MYLK: variants seen among roughly 807,000 people sequenced by gnomAD.
MYLK encodes myosin light chain kinase.
In MYLK, 106 loss-of-function variants were observed where a neutral mutation model predicts 203.4. The observed-to-expected ratio is 0.52, with a 90% confidence interval of 0.45 to 0.61. The LOEUF (loss-of-function observed/expected upper bound fraction) is 0.61. Among genes scored for constraint, MYLK ranks in the 20% least tolerant of loss-of-function variants. The pLI, the probability that MYLK is intolerant of heterozygous loss-of-function variation, is 0.00. For missense variants in MYLK, 2,072 were observed against 2,442.3 expected (o/e 0.85, Z 3.20); for synonymous variants, 867 against 959.5 (o/e 0.90, Z 1.78).
At chr3:123,615,090 C>G (rs780630565) in intron 33 of MYLK, among the ~76,000 whole-genome samples, 1 of 150,006 alleles carries the variant, frequency 6.7e-6, no homozygotes, top group African/African-American at 2.4e-5. Flanking sequence ...GCTGGGATTA[C>G]AGGTGTGAGC....
intron 27 of MYLK, among the ~76,000 whole-genome samples, chr3:123,641,353 C>T (rs931814774): frequency 6.6e-6 from 1 of 152,192 alleles, no homozygotes; most frequent in African/African-American, 2.4e-5. Flanking sequence ...CTTTCTTGGT[C>T]TCTGCTTAGC....
At chr3:123,733,285 G>A (rs1576777273) in intron 10 of MYLK, among the ~76,000 whole-genome samples, 183 bp from the exon 11 acceptor site, 2 of 152,208 alleles carry the variant, frequency 1.3e-5, no homozygotes, top group Admixed American at 6.5e-5. Context: ...TCTTGAGAGA[G>A]TCAGGGGCCT....
rs752110478 is a variant in MYLK at position 123,640,834 on chromosome 3, C to T, written c.4620-330G>A. The stretch of plus-strand genomic sequence containing the variant: ...AGAGTGACCTCTAAACAGTCTCTTT[C>T]CCTCAAATGACCACACATGCCTAAG... On this transcript the variant is annotated intron_variant, in intron 27 of 33. Coordinates refer to ENST00000360304, the MANE Select transcript of MYLK (RefSeq NM_053025.4). The surrounding 1 kb of genome is among the most constrained non-coding windows in gnomAD (Gnocchi z 4.3). Among the ~76,000 whole-genome samples, 30 of 152,212 alleles carry T rather than the reference C, an allele frequency of 2.0e-4. No homozygotes were observed. The highest frequency in any genetic ancestry group is 8.5e-4 in the Admixed American group (13 of 15,282).
chr3:123,883,074 T>G (rs1227698082), intron 1 of MYLK, among the ~76,000 whole-genome samples: 1 of 152,208 alleles, frequency 6.6e-6, no homozygotes, highest in Non-Finnish European at 1.5e-5. Context: ...CAAATGGTCC[T>G]CCTAAGCCCA....
chr3:123,668,854 C>T (rs2059823008), intron 20 of MYLK, among the ~76,000 whole-genome samples: 1 of 152,192 alleles, frequency 6.6e-6, no homozygotes, highest in Non-Finnish European at 1.5e-5. Context: ...TGCCCTTCTC[C>T]TCCTCCTAAA....
intron 8 of MYLK, 22 bp from the exon 9 acceptor site, chr3:123,735,438 G>A (rs773505008): frequency 6.2e-7 from 1 of 1,614,042 alleles, no homozygotes; most frequent in South Asian, 1.1e-5. Flanking sequence ...GGGAAGGGTG[G>A]AAAGACTGTT....
intron 30 of MYLK, among the ~76,000 whole-genome samples, chr3:123,628,158 A>C (rs2058243140): frequency 6.6e-6 from 1 of 152,204 alleles, no homozygotes; most frequent in Non-Finnish European, 1.5e-5. Flanking sequence ...AAGGCTAAAA[A>C]GATCTCATTG....
chr3:123,626,960 A>G lies in MYLK; in HGVS notation c.5115-19T>C. 1.9e-6 allele frequency: 3 copies of G among 1,614,000 alleles called. No homozygotes were observed. The South Asian group carries it at 3.3e-5, about 18-fold the overall frequency. On this transcript the variant is annotated intron_variant, in intron 30 of 33. Transcript: ENST00000360304. ...GCGGTTTCTGACAGAGGCAGAGATCAGGAGATTTTTGAGCAGGAGGAGACC... is the reference window on the plus strand; with the variant it reads ...GCGGTTTCTGACAGAGGCAGAGATCGGGAGATTTTTGAGCAGGAGGAGACC...
At chr3:123,696,426 T>A (rs1202180236) in intron 18 of MYLK, among the ~76,000 whole-genome samples, 4 of 152,050 alleles carry the variant, frequency 2.6e-5, no homozygotes, top group Admixed American at 1.3e-4. Flanking sequence ...GCAGGGCCAG[T>A]GCTGAGCTGA....
intron 13 of MYLK, among the ~76,000 whole-genome samples, chr3:123,714,908 T>G (rs1342044662): frequency 1.3e-5 from 2 of 152,030 alleles, no homozygotes; most frequent in Non-Finnish European, 2.9e-5. Flanking sequence ...AGCAGATTGC[T>G]GACAAGTAAA....
In MYLK at chr3:123,733,037, C is replaced by T. The variant is rs147311651; in HGVS notation, c.1375G>A (p.Gly459Ser). 2.9e-5 allele frequency: 47 copies of T among 1,614,076 alleles called. No individual in the cohort carries two copies. Among genetic ancestry groups the T allele is most frequent in the African/African-American group, 5.3e-5 (4 of 74,948 alleles). Residue 459 changes from glycine (G) to serine (S), a missense_variant, in exon 11 of 34, where the codon GGC becomes AGC. Around this residue, in one of 3 missense-constraint regions of MYLK, gnomAD observed 683 missense variants for 643.8 expected, o/e 1.06. Coordinates refer to ENST00000360304, the MANE Select transcript of MYLK (RefSeq NM_053025.4). The part of the protein sequence containing the change: ...LEGTPVRRQE[G>S]SIEVYEDAGS... ...GCATCTTCATAAACCTCAATGCTGCCTTCCTGTCTCCTCACGGGGGTGCCT... is the reference window on the plus strand; with the variant it reads ...GCATCTTCATAAACCTCAATGCTGCTTTCCTGTCTCCTCACGGGGGTGCCT...
rs1182184547 is a variant in MYLK, at chr3:123,640,179, G to A, written c.4837+108C>T. Reference sequence around the variant, plus strand: ...GATTCAAACCTGGGAAGTCTTCATGGTCTCGGATTTAACCCCAATACTGTA... The same window carrying A: ...GATTCAAACCTGGGAAGTCTTCATGATCTCGGATTTAACCCCAATACTGTA... On this transcript the variant is annotated intron_variant, in intron 28 of 33. Transcript: ENST00000360304. The surrounding 1 kb of genome is among the most constrained non-coding windows in gnomAD (Gnocchi z 4.3). 3 of 1,052,926 alleles carry A rather than the reference G, an allele frequency of 2.8e-6. No individual in the cohort carries two copies. The African/African-American group carries it at 4.7e-5, about 16-fold the overall frequency. The allele number at this position is 1,052,926 out of a possible 1,614,324, so 65.2% of individuals were successfully genotyped here. A position where few individuals can be genotyped will look rare whatever the true frequency, so the allele number is the denominator to read the frequency against.
intron 4 of MYLK, among the ~76,000 whole-genome samples, chr3:123,772,349 G>A (rs1243937257): frequency 2.0e-5 from 3 of 151,872 alleles, no homozygotes; most frequent in Non-Finnish European, 4.4e-5. Context: ...CAGTAAAGGT[G>A]GCCTCAAACT....
At chr3:123,772,533 G>C (rs1380024577) in intron 4 of MYLK, among the ~76,000 whole-genome samples, 2 of 152,032 alleles carry the variant, frequency 1.3e-5, no homozygotes, top group African/African-American at 4.8e-5. Context: ...GACACTAATA[G>C]TGGAAAGCAT....
chr3:123,670,413 G>A (rs1328433879), intron 20 of MYLK, among the ~76,000 whole-genome samples: 3 of 152,130 alleles, frequency 2.0e-5, no homozygotes, highest in Admixed American at 6.5e-5. Context: ...GCAGAGCACA[G>A]GGCTGATATT....
intron 2 of MYLK, among the ~76,000 whole-genome samples, chr3:123,836,185 T>C (rs1271878288): frequency 2.0e-5 from 3 of 152,306 alleles, no homozygotes; most frequent in Admixed American, 1.3e-4. Flanking sequence ...CTTTTGTCAT[T>C]TGATGTTTAG....
intron 5 of MYLK, among the ~76,000 whole-genome samples, chr3:123,742,598 G>T (rs901558692): frequency 2.6e-5 from 4 of 152,046 alleles, no homozygotes; most frequent in Non-Finnish European, 5.9e-5. Context: ...TTCTAAACAC[G>T]CTCCATACAA....
In MYLK at chr3:123,640,363, C is replaced by A; in HGVS notation, c.4761G>T (p.Lys1587Asn). Residue 1587 changes from lysine to asparagine, a missense_variant, in exon 28 of 34, where the codon AAG becomes AAT. Physicochemically the swap from Lys to Asn is moderately conservative, Grantham distance 94. This residue lies in a region of MYLK where 524 missense variants were observed against 782.4 expected (regional missense o/e 0.67). Coordinates refer to ENST00000360304, the MANE Select transcript of MYLK (RefSeq NM_053025.4). The surrounding 1 kb of genome is among the most constrained non-coding windows in gnomAD (Gnocchi z 4.3). ...TGTTGACACACATGATGTTCTCCGG[C>A]TTGAGGTCCAGGTGCACGATGCCCT... The part of the protein sequence containing the change: ...HKQGIVHLDL[K>N]PENIMCVNKT... 2 of 1,613,988 alleles carry A rather than the reference C, an allele frequency of 1.2e-6. No homozygotes were observed. Among genetic ancestry groups the A allele is most frequent in the Non-Finnish European group, 1.7e-6 (2 of 1,180,000 alleles).
At chr3:123,870,651 G>T (rs2032718807) in intron 2 of MYLK, among the ~76,000 whole-genome samples, 1 of 152,226 alleles carries the variant, frequency 6.6e-6, no homozygotes. Context: ...AAGCAGGTAG[G>T]TGTAGGCAAA....
Sources: gnomAD v4.1 joint callset for allele counts (sites outside exome capture counted in the v4.1 genomes callset) on GRCh38, gnomAD v4.1.1 for gene constraint, gnomAD v4.1.1 regional missense constraint, Gnocchi (gnomAD v3.1) non-coding constraint, MANE v1.5 for transcripts, NCBI Gene and HGNC (gene_info 2026-07-23, HGNC 2026-07-21) for gene names.